RANBP17: variants seen among roughly 807,000 people sequenced by gnomAD.
RANBP17 encodes the protein RAN binding protein 17.
RANBP17 carries 158 observed loss-of-function variants against 141.2 expected under a neutral mutation model. That is an observed-to-expected ratio of 1.12 (90% CI 0.98 to 1.28). The LOEUF (loss-of-function observed/expected upper bound fraction) is 1.28. Among genes scored for constraint, RANBP17 ranks in the 50% most tolerant of loss-of-function variants. The probability of loss-of-function intolerance (pLI) is 0.00; values close to 1 mark genes in which losing one functional copy is unlikely to be tolerated. For synonymous variants in RANBP17, 430 were observed against 450.0 expected, an observed-to-expected ratio of 0.96 and a Z score of 0.56; for missense variants, 1,438 against 1,290.7, an observed-to-expected ratio of 1.11 and a Z score of -1.75.
chr5:170,937,891 A>G (rs1774008523), intron 12 of RANBP17, among the ~76,000 whole-genome samples: 1 of 152,236 alleles, frequency 6.6e-6, no homozygotes, highest in Non-Finnish European at 1.5e-5. Context: ...CTTCAAAAGT[A>G]AAGAGTTAGT....
At chr5:170,975,864 A>G (rs1470830238) in intron 14 of RANBP17, among the ~76,000 whole-genome samples, 1 of 151,700 alleles carries the variant, frequency 6.6e-6, no homozygotes, top group Non-Finnish European at 1.5e-5. Flanking sequence ...ACAAACAGAA[A>G]CACCAAAATG....
At chr5:171,016,156 C>T (rs2127595972) in intron 14 of RANBP17, among the ~76,000 whole-genome samples, 1 of 149,228 alleles carries the variant, frequency 6.7e-6, no homozygotes, top group East Asian at 2.0e-4. Flanking sequence ...CCCTTGTGTC[C>T]TGTTTCTTAG....
rs759709478 is a variant in RANBP17 at position 170,910,985 on chromosome 5, T to A, written c.611T>A (p.Leu204Ter). 1 of 1,611,028 alleles carries A rather than the reference T, an allele frequency of 6.2e-7. No homozygotes were observed. The highest frequency in any genetic ancestry group is 8.5e-7 in the Non-Finnish European group (1 of 1,178,380). Reference sequence around the variant, plus strand: ...TTTTTTCAGGTGTTTGCCAAACCTTTAAATCTTCAGGATCAATGTCAGCAA... The same window carrying A: ...TTTTTTCAGGTGTTTGCCAAACCTTAAAATCTTCAGGATCAATGTCAGCAA... The part of the protein sequence containing the change: ...SLLKEVFAKP[L>*]NLQDQCQQNL... Residue 204 changes from leucine (L) to a stop codon, truncating the protein, a stop_gained, in exon 7 of 28, where the codon TTA (leucine) becomes TAA (stop). Coordinates refer to ENST00000523189, the MANE Select transcript of RANBP17 (RefSeq NM_022897.5). LOFTEE classifies it high-confidence loss of function.
Position 171,293,887 on chromosome 5 carries a change from T to C in RANBP17, c.2948T>C (p.Met983Thr). Residue 983 changes from methionine to threonine, a missense_variant, in exon 26 of 28, where the codon ATG becomes ACG. Physicochemically the swap from Met to Thr is moderately conservative, Grantham distance 81 (BLOSUM62 -1). Coordinates refer to ENST00000523189, the MANE Select transcript of RANBP17 (RefSeq NM_022897.5). The part of the protein sequence containing the change: ...QQNPDVLQQM[M>T]SVLMNTIVFE... The stretch of plus-strand genomic sequence containing the variant: ...TTATGTGATTCTATCTTCTAGATGA[T>C]GTCTGTCCTCATGAACACCATTGTC... 6.2e-7 allele frequency: 1 copy of C among 1,611,506 alleles called. No individual in the cohort carries two copies. Among genetic ancestry groups the C allele is most frequent in the Non-Finnish European group, 8.5e-7 (1 of 1,177,698 alleles).
chr5:171,154,107 T>G (rs79845397), intron 14 of RANBP17, among the ~76,000 whole-genome samples: 16 of 132,730 alleles, frequency 1.2e-4, no homozygotes, highest in African/African-American at 2.1e-4. Context: ...AGTTTTTTTT[T>G]TTTTTTTTTT....
At chr5:171,124,890 T>G (rs1470798987) in intron 14 of RANBP17, among the ~76,000 whole-genome samples, 4 of 152,202 alleles carry the variant, frequency 2.6e-5, no homozygotes, top group African/African-American at 9.6e-5. Flanking sequence ...TGTAAACTGT[T>G]TAAATTCCTC....
chr5:171,068,687 AG>A (rs1784452376), intron 14 of RANBP17, among the ~76,000 whole-genome samples: 2 of 151,966 alleles, frequency 1.3e-5, no homozygotes, highest in Non-Finnish European at 2.9e-5. Flanking sequence ...CCCATATTCA[AG>A]TGATTGTCCT....
intron 14 of RANBP17, among the ~76,000 whole-genome samples, chr5:170,972,760 T>C (rs1306973394): frequency 6.6e-6 from 1 of 152,162 alleles, no homozygotes; most frequent in East Asian, 1.9e-4. Flanking sequence ...TAAGCTTTAC[T>C]AGATATTATT....
intron 3 of RANBP17, among the ~76,000 whole-genome samples, chr5:170,883,104 C>G (rs910805185): frequency 2.0e-5 from 3 of 152,074 alleles, no homozygotes; most frequent in Non-Finnish European, 4.4e-5. Context: ...CACTCTGAGT[C>G]TTAGGTACTG....
chr5:171,193,900 A>T (rs1242737855), intron 18 of RANBP17, among the ~76,000 whole-genome samples: 1 of 152,230 alleles, frequency 6.6e-6, no homozygotes, highest in Non-Finnish European at 1.5e-5. Context: ...TACAGGTTCC[A>T]AGAATTAGAA....
chr5:170,872,645 T>C (rs1581018421), intron 1 of RANBP17, among the ~76,000 whole-genome samples: 1 of 152,194 alleles, frequency 6.6e-6, no homozygotes, highest in African/African-American at 2.4e-5. Flanking sequence ...TGGCTGTGGG[T>C]TTGTCATAAA....
At chr5:171,061,490 C>A (rs1195015519) in intron 14 of RANBP17, among the ~76,000 whole-genome samples, 8 of 151,544 alleles carry the variant, frequency 5.3e-5, no homozygotes, top group Admixed American at 5.3e-4. Context: ...GTTTCTTAAT[C>A]CTGAGTTCTA....
chr5:171,262,956 CCT>C (rs1383348763), intron 24 of RANBP17, among the ~76,000 whole-genome samples: 2 of 152,138 alleles, frequency 1.3e-5, no homozygotes, highest in Non-Finnish European at 2.9e-5. Context: ...CCAAAACTTC[CCT>C]CTTTCTGTTT....
chr5:171,004,876 A>T (rs1347438243), intron 14 of RANBP17, among the ~76,000 whole-genome samples: 1 of 152,188 alleles, frequency 6.6e-6, no homozygotes, highest in Admixed American at 6.5e-5. Context: ...GATGTTTTGA[A>T]GGAGCCCCTG....
intron 14 of RANBP17, among the ~76,000 whole-genome samples, chr5:171,096,541 A>G (rs538430011): frequency 2.0e-4 from 31 of 152,282 alleles, no homozygotes; most frequent in Non-Finnish European, 3.5e-4. Context: ...TGCAAATTTG[A>G]TTGTTGTTGG....
At chr5:171,247,106 T>A (rs1290570196) in intron 24 of RANBP17, among the ~76,000 whole-genome samples, 1 of 152,198 alleles carries the variant, frequency 6.6e-6, no homozygotes. Context: ...GTGAAACAAT[T>A]TGCCTAAGAT....
At chr5:170,939,408 G>A (rs1482963419) in intron 12 of RANBP17, among the ~76,000 whole-genome samples, 2 of 149,432 alleles carry the variant, frequency 1.3e-5, no homozygotes, top group African/African-American at 4.9e-5. Flanking sequence ...TATTTAAGAT[G>A]CAGTCTTGCC....
chr5:171,007,313 G>A (rs1258067388), intron 14 of RANBP17, among the ~76,000 whole-genome samples: 1 of 152,138 alleles, frequency 6.6e-6, no homozygotes, highest in African/African-American at 2.4e-5. Context: ...TTGTCGGGCA[G>A]TGGGGGAGAG....
At chr5:171,172,992 G>A (rs1760205085) in intron 16 of RANBP17, among the ~76,000 whole-genome samples, 1 of 151,786 alleles carries the variant, frequency 6.6e-6, no homozygotes, top group South Asian at 2.1e-4. Flanking sequence ...TAAGCCAGGG[G>A]ATAGGAATGA....
Sources: gnomAD v4.1 joint callset for allele counts (sites outside exome capture counted in the v4.1 genomes callset) on GRCh38, gnomAD v4.1.1 for gene constraint, MANE v1.5 for transcripts, NCBI Gene and HGNC (gene_info 2026-07-23, HGNC 2026-07-21) for gene names.